ACADM: variants seen among roughly 807,000 people sequenced by gnomAD.
ACADM encodes acyl-CoA dehydrogenase medium chain, also known as medium-chain specific acyl-CoA dehydrogenase, mitochondrial.
ACADM carries 49 observed loss-of-function variants against 58.9 expected under a neutral mutation model. The ratio of observed to expected loss-of-function variants is 0.83; its 90% CI spans 0.66 to 1.06. ACADM has a LOEUF of 1.06. Ranked by LOEUF, ACADM falls within the 50% of genes least tolerant of loss-of-function variation. The pLI, the probability that ACADM is intolerant of heterozygous loss-of-function variation, is 0.00. For missense variants in ACADM, 496 were observed against 507.0 expected, an observed-to-expected ratio of 0.98 and a Z score of 0.21; for synonymous variants, 160 against 157.7, an observed-to-expected ratio of 1.01 and a Z score of -0.11.
intron 10 of ACADM, among the ~76,000 whole-genome samples, chr1:75,751,166 C>T (rs1276103698): frequency 1.3e-5 from 2 of 150,944 alleles, no homozygotes; most frequent in East Asian, 2.1e-4. Flanking sequence ...ACGGTGAAAC[C>T]CCGTCTCTAC....
At chr1:75,749,039 G>A (rs1648053101) in intron 8 of ACADM, among the ~76,000 whole-genome samples, 1 of 152,138 alleles carries the variant, frequency 6.6e-6, no homozygotes, top group Non-Finnish European at 1.5e-5. Flanking sequence ...CATATAATGA[G>A]ATTTGTCTTT....
At chr1:75,742,146 C>T (rs1647605353) in intron 7 of ACADM, among the ~76,000 whole-genome samples, 2 of 150,292 alleles carry the variant, frequency 1.3e-5, no homozygotes, top group Non-Finnish European at 3.0e-5. Context: ...GCTCCCACCC[C>T]TTCCCCCCTC....
chr1:75,739,706 C>T (rs1647458447), intron 6 of ACADM, among the ~76,000 whole-genome samples: 1 of 152,138 alleles, frequency 6.6e-6, no homozygotes, highest in Non-Finnish European at 1.5e-5. Context: ...ACACGGGAGG[C>T]TGAGGCGGGA....
chr1:75,739,028 C>A (rs1322672534), intron 6 of ACADM, among the ~76,000 whole-genome samples: 1 of 152,202 alleles, frequency 6.6e-6, no homozygotes, highest in East Asian at 1.9e-4. Flanking sequence ...CATTCCCTTA[C>A]ATGCACAGAA....
chr1:75,735,347 T>C lies in ACADM; in HGVS notation c.468+476T>C, dbSNP rs542077792. ...AAAAAAAAAAAAAAAAAAGGTGTCATCATAATTTTGTTGCTTATTTCCAGG... is the reference window on the plus strand; with the variant it reads ...AAAAAAAAAAAAAAAAAAGGTGTCACCATAATTTTGTTGCTTATTTCCAGG... On this transcript the variant is annotated intron_variant, in intron 6 of 11. Transcript: ENST00000370841. 1.5e-4 allele frequency among the ~76,000 whole-genome samples: 22 copies of C among 144,314 alleles called. 1 individual carries two copies. Among genetic ancestry groups the C allele is most frequent in the African/African-American group, 5.3e-4 (21 of 39,656 alleles). The allele number at this position is 144,314 out of a possible 152,430, so 94.7% of individuals were successfully genotyped here.
intron 10 of ACADM, among the ~76,000 whole-genome samples, chr1:75,758,598 A>T (rs949454608): frequency 6.6e-6 from 1 of 151,154 alleles, no homozygotes; most frequent in African/African-American, 2.4e-5. Context: ...ACCAATCAGC[A>T]CTCTGTAAAA....
chr1:75,739,918 C>G, intron 6 of ACADM, 62 bp from the exon 7 acceptor site: 1 of 1,266,964 alleles, frequency 7.9e-7, no homozygotes, highest in Non-Finnish European at 1.1e-6. Context: ...ATCCTGTTTC[C>G]AAACAGTCAA....
At chr1:75,753,395 T>G (rs1414887592) in intron 10 of ACADM, among the ~76,000 whole-genome samples, 2 of 151,996 alleles carry the variant, frequency 1.3e-5, no homozygotes, top group Non-Finnish European at 2.9e-5. Context: ...CACTTAGAGA[T>G]TTCTGTTTCT....
chr1:75,724,918 GA>G, intron 1 of ACADM, 101 bp downstream of exon 1: 1 of 1,253,044 alleles, frequency 8.0e-7, no homozygotes, highest in Admixed American at 3.1e-5. Context: ...GGAGGAGTGG[GA>G]AGTCGGGCTG....
chr1:75,753,213 A>C (rs569859952), intron 10 of ACADM, among the ~76,000 whole-genome samples: 7 of 152,254 alleles, frequency 4.6e-5, no homozygotes, highest in African/African-American at 1.7e-4. Flanking sequence ...AAGCTTTTAC[A>C]TGCAGTGATT....
rs1647189225 is a variant in ACADM at position 75,733,621 on chromosome 1, C to CT, written c.383dup (p.Leu128PhefsTer12). 6.2e-7 allele frequency: 1 copy of CT among 1,612,112 alleles called. No homozygotes were observed. The highest frequency in any genetic ancestry group is 1.3e-5 in the African/African-American group (1 of 74,916). On this transcript the variant is annotated frameshift_variant, in exon 5 of 12. Coordinates refer to ENST00000370841, the MANE Select transcript of ACADM (RefSeq NM_000016.6). LOFTEE classifies it high-confidence loss of function. ...GTTCAGACTGCTATTGAAGGAAATT[C>CT]TTTGGGGGTAAGTGACTTAGAAAAT... is the stretch of plus-strand genomic sequence containing the variant.
intron 10 of ACADM, 82 bp downstream of exon 10, chr1:75,750,628 A>G: frequency 1.1e-6 from 1 of 932,082 alleles, no homozygotes. Flanking sequence ...TTAAACCACA[A>G]ACTAATCAAT....
At chr1:75,755,769 T>A (rs1189730341) in intron 10 of ACADM, among the ~76,000 whole-genome samples, 3 of 152,100 alleles carry the variant, frequency 2.0e-5, no homozygotes, top group Non-Finnish European at 4.4e-5. Flanking sequence ...GAATGACGAG[T>A]TGAGAGAAGA....
At chr1:75,745,673 C>T (rs1647855235) in intron 7 of ACADM, 133 bp from the exon 8 acceptor site, 4 of 788,396 alleles carry the variant, frequency 5.1e-6, no homozygotes, top group Middle Eastern at 2.4e-4. Context: ...GTTTTTAAAC[C>T]TGATTATTTA....
chr1:75,760,143 G>A (rs1648745491), intron 10 of ACADM, among the ~76,000 whole-genome samples: 1 of 151,138 alleles, frequency 6.6e-6, no homozygotes, highest in South Asian at 2.1e-4. Context: ...AAAAGAGGCC[G>A]AGTGCGGTGG....
At position 75,762,734 on chromosome 1, in the gene ACADM, C is replaced by T. The variant is rs139686925; in HGVS notation, c.1237C>T (p.Arg413Cys). 7.5e-6 allele frequency: 12 copies of T among 1,606,750 alleles called. No individual in the cohort carries two copies. Among genetic ancestry groups the T allele is most frequent in the South Asian group, 4.4e-5 (4 of 90,664 alleles). The change falls in exon 12 of 12, where the codon CGT (arginine) becomes TGT (cysteine). Residue 413 changes from arginine (R) to cysteine (C), a missense_variant. Transcript: ENST00000370841. Reference protein sequence around the residue: ...TSQIQRLIVAREHIDKYKN With the variant: ...TSQIQRLIVACEHIDKYKN ...ACAAATTCAAAGACTTATTGTAGCCCGTGAACACATTGACAAGTACAAAAA... is the reference window on the plus strand; with the variant it reads ...ACAAATTCAAAGACTTATTGTAGCCTGTGAACACATTGACAAGTACAAAAA...
chr1:75,750,841 C>T (rs1417102321), intron 10 of ACADM: 11 of 417,688 alleles, frequency 2.6e-5, no homozygotes, highest in Non-Finnish European at 4.0e-5. Flanking sequence ...CTCCGCCTCC[C>T]GAGTTCGAGT....
At chr1:75,729,427 G>A (rs1647110275) in intron 2 of ACADM, among the ~76,000 whole-genome samples, 1 of 145,008 alleles carries the variant, frequency 6.9e-6, no homozygotes, top group African/African-American at 2.6e-5. Flanking sequence ...ATGAGCTACT[G>A]CACCCAGACC....
chr1:75,726,224 G>T (rs1470752747), intron 1 of ACADM, among the ~76,000 whole-genome samples: 1 of 152,088 alleles, frequency 6.6e-6, no homozygotes, highest in Non-Finnish European at 1.5e-5. Context: ...CCTGGCCAAA[G>T]CAGGGAAACC....
Sources: allele counts gnomAD v4.1 joint callset (sites outside exome capture counted in the v4.1 genomes callset), GRCh38; gene constraint gnomAD v4.1.1; transcripts MANE v1.5; gene names NCBI Gene and HGNC (gene_info 2026-07-23, HGNC 2026-07-21).